FAT3: variants seen among roughly 807,000 people sequenced by gnomAD.
FAT3 encodes FAT atypical cadherin 3.
Under a neutral mutation model 310.2 loss-of-function variants are expected in FAT3, and 95 were observed. The ratio of observed to expected loss-of-function variants is 0.31; its 90% CI spans 0.26 to 0.36. The LOEUF (loss-of-function observed/expected upper bound fraction) is 0.36, where lower values mean the gene tolerates loss of function less well. Ranked by LOEUF, FAT3 falls within the 10% of genes least tolerant of loss-of-function variation. The probability of loss-of-function intolerance (pLI) is 1.00; values close to 1 mark genes in which losing one functional copy is unlikely to be tolerated. For missense variants in FAT3, 5,408 were observed against 5,715.6 expected (o/e 0.95, Z 1.74); for synonymous variants, 2,314 against 2,192.9 (o/e 1.06, Z -1.54).
intron 3 of FAT3, among the ~76,000 whole-genome samples, chr11:92,645,339 T>C (rs957473337): frequency 2.0e-5 from 3 of 152,224 alleles, no homozygotes; most frequent in Admixed American, 2.0e-4. Context: ...TAATTATTTT[T>C]TCTATACTGT....
chr11:92,812,106 T>C (rs1160531737), intron 13 of FAT3, among the ~76,000 whole-genome samples: 1 of 152,174 alleles, frequency 6.6e-6, no homozygotes, highest in Non-Finnish European at 1.5e-5. Context: ...CAATGATTGG[T>C]ACACTAATTT....
intron 2 of FAT3, among the ~76,000 whole-genome samples, chr11:92,383,001 C>T (rs1031833044): frequency 2.0e-5 from 3 of 152,174 alleles, no homozygotes; most frequent in African/African-American, 7.2e-5. Context: ...CCAGCCCCTG[C>T]CTACAAGCCT....
chr11:92,683,093 T>C (rs11020039), intron 3 of FAT3, among the ~76,000 whole-genome samples: 40,821 of 119,948 alleles, frequency 0.34, 6,102 homozygotes, highest in Non-Finnish European at 0.36. Flanking sequence ...AAAAGTGGTA[T>C]CTGACTGGCA....
intron 1 of FAT3, among the ~76,000 whole-genome samples, chr11:92,278,024 G>A (rs1250631742): frequency 1.3e-5 from 2 of 152,026 alleles, no homozygotes; most frequent in African/African-American, 2.4e-5. Flanking sequence ...AAGTCAAGGT[G>A]AGCTGTAATT....
chr11:92,850,555 C>A (rs1948799999), intron 19 of FAT3, among the ~76,000 whole-genome samples: 2 of 152,210 alleles, frequency 1.3e-5, no homozygotes, highest in Admixed American at 1.3e-4. Flanking sequence ...TAAAACTTCT[C>A]ACAGGCCATG....
intron 19 of FAT3, among the ~76,000 whole-genome samples, chr11:92,851,334 T>C (rs1178363092): frequency 1.3e-5 from 2 of 152,192 alleles, no homozygotes; most frequent in African/African-American, 4.8e-5. Flanking sequence ...ATGTTTTTCT[T>C]TACAAGTTGC....
intron 1 of FAT3, among the ~76,000 whole-genome samples, chr11:92,245,342 G>T (rs1010312034): frequency 5.3e-5 from 8 of 152,058 alleles, no homozygotes; most frequent in Non-Finnish European, 8.8e-5. Context: ...GGCCTGTCGG[G>T]GGGTGGCGGG....
At chr11:92,645,677 T>C (rs1039732446) in intron 3 of FAT3, among the ~76,000 whole-genome samples, 18 of 152,230 alleles carry the variant, frequency 1.2e-4, no homozygotes, top group Non-Finnish European at 2.6e-4. Flanking sequence ...CATTTAGCTG[T>C]GTTGTGTGTG....
chr11:92,678,547 A>G (rs903625553), intron 3 of FAT3, among the ~76,000 whole-genome samples: 2 of 152,112 alleles, frequency 1.3e-5, no homozygotes, highest in African/African-American at 4.8e-5. Context: ...AGTTTCCCAC[A>G]CGTGCCTTTT....
chr11:92,480,123 G>T (rs1174954132), intron 2 of FAT3, among the ~76,000 whole-genome samples: 2 of 151,992 alleles, frequency 1.3e-5, no homozygotes, highest in Non-Finnish European at 2.9e-5. Flanking sequence ...AAATTAGCCG[G>T]GCGTGGTGGC....
intron 1 of FAT3, among the ~76,000 whole-genome samples, chr11:92,236,455 G>A (rs953693461): frequency 2.6e-5 from 4 of 152,158 alleles, no homozygotes; most frequent in Non-Finnish European, 2.9e-5. Flanking sequence ...AAATCAACAC[G>A]TGAGCAGGTG....
intron 3 of FAT3, among the ~76,000 whole-genome samples, chr11:92,683,072 T>TACAAAAAAAAA (rs1943531888): frequency 8.7e-6 from 1 of 114,848 alleles, no homozygotes; most frequent in Non-Finnish European, 1.7e-5. Flanking sequence ...AGCAAGACTC[T>TACAAAAAAAAA]AAAAAAAAAA....
intron 3 of FAT3, among the ~76,000 whole-genome samples, chr11:92,658,540 T>C (rs1942660881): frequency 6.6e-6 from 1 of 152,182 alleles, no homozygotes; most frequent in Admixed American, 6.6e-5. Flanking sequence ...GAGGCTGGAC[T>C]GAATGACCTC....
At chr11:92,682,560 A>G (rs1342598162) in intron 3 of FAT3, among the ~76,000 whole-genome samples, 1 of 152,178 alleles carries the variant, frequency 6.6e-6, no homozygotes, top group Non-Finnish European at 1.5e-5. Flanking sequence ...AGCCTTGACA[A>G]TCTACCATTT....
At chr11:92,765,440 CTT>C (rs1946279974) in intron 6 of FAT3, among the ~76,000 whole-genome samples, 1 of 152,004 alleles carries the variant, frequency 6.6e-6, no homozygotes, top group Non-Finnish European at 1.5e-5. Context: ...TCATTTCTCT[CTT>C]TTTCTTCACC....
intron 3 of FAT3, among the ~76,000 whole-genome samples, chr11:92,583,001 C>T (rs1465000780): frequency 6.6e-6 from 1 of 151,260 alleles, no homozygotes; most frequent in African/African-American, 2.4e-5. Context: ...TTTTGTTTTG[C>T]TTAATATACT....
intron 22 of FAT3, among the ~76,000 whole-genome samples, chr11:92,871,603 C>G (rs1462677713): frequency 6.6e-6 from 1 of 152,102 alleles, no homozygotes; most frequent in Non-Finnish European, 1.5e-5. Context: ...TTATAGAAGA[C>G]CCATTTGATT....
At position 92,834,901 on chromosome 11, in the gene FAT3, T is replaced by C. The variant is rs369655979; in HGVS notation, c.9903T>C (p.Tyr3301=). 31 of 1,612,338 alleles carry C rather than the reference T, an allele frequency of 1.9e-5. No homozygotes were observed. Among genetic ancestry groups the C allele is most frequent in the Non-Finnish European group, 2.5e-5 (29 of 1,179,284 alleles). Residue 3301 remains tyrosine (Y), a synonymous_variant, in exon 15 of 28, where the codon TAT becomes TAC. Transcript: ENST00000525166. ...GGISVSEVLD[Y]ELCKRFYLVV... The stretch of plus-strand genomic sequence containing the variant: ...TTTCTGTCTCTGAAGTCCTGGACTA[T>C]GAATTATGCAAAAGGTTTTACCTGG...
At position 92,478,944 on chromosome 11, in the gene FAT3, CTTTCTTTCT is replaced by C. The variant is rs758108572; in HGVS notation, c.3293-45682_3293-45674del. Among the ~76,000 whole-genome samples the C allele has an allele frequency of 5.0e-3, 375 of 74,494 alleles. 7 individuals carry two copies. The highest frequency in any genetic ancestry group is 0.017 in the African/African-American group (354 of 20,390). The allele number at this position is 74,494 out of a possible 152,430, so 48.9% of individuals were successfully genotyped here. A position where few individuals can be genotyped will look rare whatever the true frequency, so the allele number is the denominator to read the frequency against. On this transcript the variant is annotated intron_variant, in intron 2 of 27. Transcript: ENST00000525166. ...TTTCTTTCTTTCCTTCTCTTTCTTT[CTTTCTTTCT>C]TTTCTTTTCTTTTCTTTTCTTTTCT...
Sources: gnomAD v4.1 joint callset for allele counts (sites outside exome capture counted in the v4.1 genomes callset) on GRCh38, gnomAD v4.1.1 for gene constraint, MANE v1.5 for transcripts, NCBI Gene and HGNC (gene_info 2026-07-23, HGNC 2026-07-21) for gene names.